The following NEK10 variants were observed in gnomAD, a reference collection of about 807,000 sequenced individuals.
The protein encoded by NEK10 is NIMA related kinase 10.
A neutral mutation model predicts 159.8 loss-of-function variants in NEK10; 122 were observed. The ratio of observed to expected loss-of-function variants is 0.76; its 90% CI spans 0.66 to 0.89. NEK10 has a LOEUF of 0.89. NEK10 is among the 40% of genes least tolerant of loss of function. The pLI, the probability that NEK10 is intolerant of heterozygous loss-of-function variation, is 0.00. For synonymous variants in NEK10, 466 were observed against 457.1 expected (o/e 1.02, Z -0.25); for missense variants, 1,342 against 1,323.1 (o/e 1.01, Z -0.22).
Position 27,136,103 on chromosome 3 carries a change from A to ATTTTTTTTTTTTTTTTTTTTTTTTTT in NEK10, c.2971-4139_2971-4114dup, listed in dbSNP as rs775843715. On this transcript the variant is annotated intron_variant, in intron 31 of 35. Coordinates refer to ENST00000691995, the MANE Select transcript of NEK10 (RefSeq NM_001394966.1). ...GGCTTGCCTGTTCTCTAGGAGATCG[A>ATTTTTTTTTTTTTTTTTTTTTTTTTT]TTTTTTTTTTTTTTTTTTTTTTTTT... is the stretch of plus-strand genomic sequence containing the variant. 3.3e-5 allele frequency among the ~76,000 whole-genome samples: 2 copies of ATTTTTTTTTTTTTTTTTTTTTTTTTT among 60,680 alleles called. 1 individual carries two copies. Among genetic ancestry groups the ATTTTTTTTTTTTTTTTTTTTTTTTTT allele is most frequent in the African/African-American group, 1.2e-4 (2 of 16,036 alleles). The allele number at this position is 60,680 out of a possible 152,430, so 39.8% of individuals were successfully genotyped here.
At chr3:27,305,063 A>G in intron 11 of NEK10, 92 bp from the exon 12 acceptor site, 1 of 780,286 alleles carries the variant, frequency 1.3e-6, no homozygotes, top group Non-Finnish European at 2.1e-6. Context: ...TGCATGAAAT[A>G]TAACCCTAAC....
At position 27,108,358 on chromosome 3, in the gene NEK10, G is replaced by A. The variant is rs936806625; in HGVS notation, c.*2914C>T. Among the ~76,000 whole-genome samples, 21 of 152,170 alleles carry A rather than the reference G, an allele frequency of 1.4e-4. No individual in the cohort carries two copies. The highest frequency in any genetic ancestry group is 5.1e-4 in the African/African-American group (21 of 41,444). ...TATTCCCTTGAAGACTCCATTTGAA[G>A]ACTACATGCCTGGAGGAAGATAAAG... is the stretch of plus-strand genomic sequence containing the variant. On this transcript the variant is annotated 3_prime_UTR_variant, in exon 36 of 36. Coordinates refer to ENST00000691995, the MANE Select transcript of NEK10 (RefSeq NM_001394966.1).
chr3:27,314,365 A>T (rs2149610591), intron 6 of NEK10, 27 bp from the exon 7 acceptor site: 1 of 1,427,902 alleles, frequency 7.0e-7, no homozygotes. Context: ...AACAAAACAC[A>T]TGTAAATGAT....
At chr3:27,217,666 G>A (rs1388704620) in intron 23 of NEK10, among the ~76,000 whole-genome samples, 1 of 152,080 alleles carries the variant, frequency 6.6e-6, no homozygotes, top group African/African-American at 2.4e-5. Context: ...GTATTAACCT[G>A]CTACAAAACC....
chr3:27,116,593 G>A (rs1940472724), intron 33 of NEK10, among the ~76,000 whole-genome samples: 1 of 152,112 alleles, frequency 6.6e-6, no homozygotes, highest in African/African-American at 2.4e-5. Context: ...CTTTCATATA[G>A]CTGCCTAGAG....
chr3:27,145,694 C>T (rs756851454), intron 30 of NEK10, among the ~76,000 whole-genome samples: 1 of 152,036 alleles, frequency 6.6e-6, no homozygotes, highest in Non-Finnish European at 1.5e-5. Context: ...AAACACCTCC[C>T]AGTGCCTGTA....
chr3:27,203,856 A>C (rs1421664462), intron 23 of NEK10, among the ~76,000 whole-genome samples: 1 of 152,220 alleles, frequency 6.6e-6, no homozygotes, highest in South Asian at 2.1e-4. Flanking sequence ...TTCTAGGTCT[A>C]TCAGTTAAGC....
At chr3:27,256,880 A>G in intron 22 of NEK10, among the ~76,000 whole-genome samples, 1 of 151,636 alleles carries the variant, frequency 6.6e-6, no homozygotes, top group East Asian at 1.9e-4. Flanking sequence ...TGTACTTTTC[A>G]AAATATCTTC....
In NEK10 at chr3:27,107,678, T is replaced by G. The variant is rs1235867885; in HGVS notation, c.*3594A>C. Among the ~76,000 whole-genome samples, 1 of 152,204 alleles carries G rather than the reference T, an allele frequency of 6.6e-6. No homozygotes were observed. Among genetic ancestry groups the G allele is most frequent in the Non-Finnish European group, 1.5e-5 (1 of 68,018 alleles). ...TTAAGCTTCCCTTACGTTGGAGCCC[T>G]TCATAGCTGTAACTCCAGGGTGCCA... On this transcript the variant is annotated 3_prime_UTR_variant, in exon 36 of 36. Transcript: ENST00000691995.
intron 22 of NEK10, among the ~76,000 whole-genome samples, chr3:27,269,702 T>C (rs1177754044): frequency 6.6e-6 from 1 of 152,228 alleles, no homozygotes; most frequent in African/African-American, 2.4e-5. Flanking sequence ...TGTGGTGTTC[T>C]GGAACAAAGT....
intron 22 of NEK10, among the ~76,000 whole-genome samples, chr3:27,277,598 G>A (rs1174970301): frequency 6.6e-6 from 1 of 152,094 alleles, no homozygotes; most frequent in African/African-American, 2.4e-5. Flanking sequence ...ACTCCTTCAT[G>A]TCTCTATCCT....
At chr3:27,138,489 T>G (rs1326517261) in intron 31 of NEK10, among the ~76,000 whole-genome samples, 1 of 152,218 alleles carries the variant, frequency 6.6e-6, no homozygotes, top group Non-Finnish European at 1.5e-5. Flanking sequence ...GCCTCAGCCC[T>G]AGAGGTTGTG....
At chr3:27,359,351 A>G (rs190841477) in intron 1 of NEK10, among the ~76,000 whole-genome samples, 2 of 152,342 alleles carry the variant, frequency 1.3e-5, no homozygotes, top group East Asian at 3.9e-4. Flanking sequence ...CTACCACAAA[A>G]GGAAGTTAGA....
Position 27,352,797 on chromosome 3 carries a change from T to A in NEK10, c.71+15A>T. The A allele has an allele frequency of 6.3e-7, 1 of 1,576,244 alleles. No homozygotes were observed. The highest frequency in any genetic ancestry group is 2.2e-5 in the East Asian group (1 of 44,716). On this transcript the variant is annotated intron_variant, in intron 2 of 35. Coordinates refer to ENST00000691995, the MANE Select transcript of NEK10 (RefSeq NM_001394966.1). Reference sequence around the variant, plus strand: ...GCCTGAGTTAACAATTAGCAAACACTCAGTAGGGAGTTACCTGATGGTGAT... The same window carrying A: ...GCCTGAGTTAACAATTAGCAAACACACAGTAGGGAGTTACCTGATGGTGAT...
chr3:27,233,954 G>A (rs756355336), intron 23 of NEK10, among the ~76,000 whole-genome samples: 1 of 151,982 alleles, frequency 6.6e-6, no homozygotes, highest in Non-Finnish European at 1.5e-5. Flanking sequence ...GGAATGCAAG[G>A]TTGGTTCAAC....
At chr3:27,224,729 T>G (rs1161814859) in intron 23 of NEK10, among the ~76,000 whole-genome samples, 1 of 152,182 alleles carries the variant, frequency 6.6e-6, no homozygotes, top group African/African-American at 2.4e-5. Context: ...AAAGCTCACA[T>G]GTAAGCTCCG....
At chr3:27,209,367 T>C (rs11713802) in intron 23 of NEK10, among the ~76,000 whole-genome samples, 35,735 of 152,160 alleles carry the variant, frequency 0.23, 4,541 homozygotes, top group Middle Eastern at 0.38. Flanking sequence ...TCTATGGTTT[T>C]CTGCACTTAC....
intron 23 of NEK10, chr3:27,206,632 C>CT (rs1156250224): frequency 1.8e-5 from 18 of 985,170 alleles, no homozygotes; most frequent in Non-Finnish European, 1.2e-6. Context: ...ATGCTGGTAA[C>CT]TCGCAGACCT....
chr3:27,349,608 C>A (rs979619807), intron 3 of NEK10, among the ~76,000 whole-genome samples: 7 of 152,306 alleles, frequency 4.6e-5, no homozygotes, highest in Admixed American at 1.3e-4. Context: ...TAATTTTCTT[C>A]TTTCTTCCAT....
Sources: allele counts gnomAD v4.1 joint callset (sites outside exome capture counted in the v4.1 genomes callset), GRCh38; gene constraint gnomAD v4.1.1; transcripts MANE v1.5; gene names NCBI Gene and HGNC (gene_info 2026-07-23, HGNC 2026-07-21).